ODC1: variants seen among roughly 807,000 people sequenced by gnomAD.
The protein encoded by ODC1 is ornithine decarboxylase.
A neutral mutation model predicts 41.5 loss-of-function variants in ODC1; 18 were observed. That is an observed-to-expected ratio of 0.43 (90% confidence interval 0.30 to 0.64). The LOEUF (loss-of-function observed/expected upper bound fraction) is 0.64. Among genes scored for constraint, ODC1 ranks in the 30% least tolerant of loss-of-function variants. The pLI, the probability that ODC1 is intolerant of heterozygous loss-of-function variation, is 0.11. For missense variants in ODC1, 504 were observed against 589.0 expected, an observed-to-expected ratio of 0.86 and a Z score of 1.49; for synonymous variants, 218 against 211.6, an observed-to-expected ratio of 1.03 and a Z score of -0.26.
At chr2:10,447,941 C>T (rs1672089125) in intron 1 of ODC1, among the ~76,000 whole-genome samples, 180 bp downstream of exon 1, 1 of 152,118 alleles carries the variant, frequency 6.6e-6, no homozygotes, top group Admixed American at 6.5e-5. Context: ...CCTTATCCAG[C>T]CGCGGGAGAA....
At chr2:10,441,748 A>C in intron 10 of ODC1, 25 bp from the exon 11 acceptor site, 2 of 1,612,628 alleles carry the variant, frequency 1.2e-6, no homozygotes, top group Middle Eastern at 3.3e-4. Context: ...GGAGAGAGGA[A>C]GTACTACTTA....
chr2:10,443,868 A>G lies in ODC1; in HGVS notation c.450-32T>C, dbSNP rs1336329227. 4 of 1,609,804 alleles carry G rather than the reference A, an allele frequency of 2.5e-6. No homozygotes were observed. The South Asian group carries it at 4.4e-5, about 18-fold the overall frequency. On this transcript the variant is annotated intron_variant, in intron 5 of 11. Transcript: ENST00000234111. Reference sequence around the variant, plus strand: ...GCAAGGAAAGTGCAGCAAATGTCTCATGATAGATGTTCACTTATAGCCACA... The same window carrying G: ...GCAAGGAAAGTGCAGCAAATGTCTCGTGATAGATGTTCACTTATAGCCACA...
chr2:10,444,278 A>G lies in ODC1; in HGVS notation c.277-11T>C, dbSNP rs1409210319. 2 of 1,566,468 alleles carry G rather than the reference A, an allele frequency of 1.3e-6. No individual in the cohort carries two copies. The highest frequency in any genetic ancestry group is 1.7e-6 in the Non-Finnish European group (2 of 1,159,804). ...CAACTGTATTTCAGTCTGAAAAAGA[A>G]GAGTGGTGTCATGCTATCCATATGT... is the stretch of plus-strand genomic sequence containing the variant. On this transcript the variant is annotated splice_polypyrimidine_tract_variant and intron_variant, in intron 4 of 11. Coordinates refer to ENST00000234111, the MANE Select transcript of ODC1 (RefSeq NM_002539.3).
At chr2:10,445,761 C>G (rs28362383) in intron 1 of ODC1, among the ~76,000 whole-genome samples, 5,569 of 151,758 alleles carry the variant, frequency 0.037, 376 homozygotes, top group African/African-American at 0.13. Flanking sequence ...TCAGCCTCCC[C>G]AGCAGCTGGG....
intron 5 of ODC1, 26 bp downstream of exon 5, chr2:10,444,069 T>G: frequency 6.4e-7 from 1 of 1,558,596 alleles, no homozygotes; most frequent in South Asian, 1.2e-5. Flanking sequence ...CTCCCGATCT[T>G]GCCCTCAGAT....
chr2:10,445,688 T>A (rs28362387), intron 1 of ODC1, among the ~76,000 whole-genome samples: 2 of 152,326 alleles, frequency 1.3e-5, no homozygotes, highest in African/African-American at 4.8e-5. Flanking sequence ...CAGGCTGGAG[T>A]GCAGCGGTGC....
At chr2:10,442,748 G>A (rs886554483) in intron 8 of ODC1, among the ~76,000 whole-genome samples, 2 of 151,542 alleles carry the variant, frequency 1.3e-5, no homozygotes, top group Non-Finnish European at 2.9e-5. Context: ...GTCTCACTCT[G>A]TAGCCCAGGC....
chr2:10,441,209 A>G (rs1248510390), intron 11 of ODC1, among the ~76,000 whole-genome samples: 1 of 152,016 alleles, frequency 6.6e-6, no homozygotes, highest in East Asian at 1.9e-4. Context: ...TGGCCTCCCA[A>G]TGTGTTGTGA....
Position 10,448,297 on chromosome 2 carries a change from G to GGCA in ODC1, c.-305_-304insTGC. On this transcript the variant is annotated 5_prime_UTR_variant, in exon 1 of 12. Coordinates refer to ENST00000234111, the MANE Select transcript of ODC1 (RefSeq NM_002539.3). ...AGCTGCTGGCAGAGGGGCGGCGGGC[G>GGCA]GCGGCGGCGGCGGCTACAGGAGGGA... 1 of 249,822 alleles carries GGCA rather than the reference G, an allele frequency of 4.0e-6. No homozygotes were observed. The highest frequency in any genetic ancestry group is 7.6e-6 in the Non-Finnish European group (1 of 131,544). The allele number at this position is 249,822 out of a possible 1,614,324, so 15.5% of individuals were successfully genotyped here.
In ODC1 at chr2:10,440,401, C is replaced by T. The variant is rs28362418; in HGVS notation, c.*323G>A. On this transcript the variant is annotated 3_prime_UTR_variant, in exon 12 of 12. Transcript: ENST00000234111. ...CCCAATGCCTAATTATTTCAAGATACTTTATTTTAAAAACAGGTCACAACA... is the reference window on the plus strand; with the variant it reads ...CCCAATGCCTAATTATTTCAAGATATTTTATTTTAAAAACAGGTCACAACA... The T allele has an allele frequency of 0.024, 4,779 of 202,236 alleles. 275 individuals carry two copies. The highest frequency in any genetic ancestry group is 0.11 in the African/African-American group (4,524 of 42,902). 12.5% of individuals were successfully genotyped at this position (202,236 alleles called of 1,614,324 possible).
chr2:10,442,893 T>A (rs1671877812), intron 8 of ODC1, among the ~76,000 whole-genome samples: 1 of 150,520 alleles, frequency 6.6e-6, no homozygotes, highest in Non-Finnish European at 1.5e-5. Context: ...AAATTTTTTT[T>A]GTAGAGATGG....
intron 1 of ODC1, chr2:10,447,329 A>G (rs1261156593): frequency 6.6e-6 from 1 of 152,274 alleles, no homozygotes; most frequent in East Asian, 1.9e-4. Flanking sequence ...TCACAAATCA[A>G]TTAAAGTCTG....
chr2:10,446,105 G>A lies in ODC1; in HGVS notation c.-127-841C>T, dbSNP rs1672003013. The stretch of plus-strand genomic sequence containing the variant: ...AGTCAACTTATCACATTGTATTACA[G>A]TTGCTGTTACCTGATCAGAATTCAG... On this transcript the variant is annotated intron_variant, in intron 1 of 11. Transcript: ENST00000234111. Among the ~76,000 whole-genome samples the A allele has an allele frequency of 2.0e-5, 3 of 150,664 alleles. No homozygotes were observed. The South Asian group carries it at 6.3e-4, about 32-fold the overall frequency.
intron 6 of ODC1, 61 bp from the exon 7 acceptor site, chr2:10,443,632 A>G: frequency 1.2e-6 from 2 of 1,607,092 alleles, no homozygotes; most frequent in Admixed American, 1.7e-5. Context: ...AATAGCAAAC[A>G]CTAGGAGAAA....
Position 10,441,798 on chromosome 2 carries a change from C to G in ODC1, c.1026+19G>C, listed in dbSNP as rs369100609. The G allele has an allele frequency of 6.8e-6, 11 of 1,612,842 alleles. No homozygotes were observed. The East Asian group carries it at 2.5e-4, about 36-fold the overall frequency. ...GACCAGTCCTCTTAATTGTTTTATA[C>G]AGTATGCTCAGAAATTACCTTTTGC... On this transcript the variant is annotated intron_variant, in intron 10 of 11. Transcript: ENST00000234111.
At chr2:10,446,342 GT>G (rs1275225715) in intron 1 of ODC1, among the ~76,000 whole-genome samples, 2 of 152,116 alleles carry the variant, frequency 1.3e-5, no homozygotes, top group Non-Finnish European at 2.9e-5. Flanking sequence ...GTTTCTCCAT[GT>G]TAGTCAGGCT....
chr2:10,446,638 C>T, intron 1 of ODC1: 2 of 281,596 alleles, frequency 7.1e-6, no homozygotes, highest in South Asian at 5.8e-5. Context: ...AAATGTGGCA[C>T]CTTGTGAACC....
chr2:10,448,278 T>TG lies in ODC1; in HGVS notation c.-286dup, dbSNP rs1258364306. 2 of 238,906 alleles carry TG rather than the reference T, an allele frequency of 8.4e-6. No individual in the cohort carries two copies. The highest frequency in any genetic ancestry group is 1.6e-5 in the Non-Finnish European group (2 of 124,614). 14.8% of individuals were successfully genotyped at this position (238,906 alleles called of 1,614,324 possible). ...CGGCCCGAGGTGGCGCCGGAGCTGC[T>TG]GGCAGAGGGGCGGCGGGCGGCGGCG... is the stretch of plus-strand genomic sequence containing the variant. On this transcript the variant is annotated 5_prime_UTR_variant, in exon 1 of 12. Transcript: ENST00000234111.
intron 8 of ODC1, among the ~76,000 whole-genome samples, chr2:10,442,840 A>G (rs914290069): frequency 2.0e-5 from 3 of 151,698 alleles, no homozygotes; most frequent in African/African-American, 7.3e-5. Flanking sequence ...CCTTCCAAGT[A>G]GCTGGGATTA....
Sources: gnomAD v4.1 joint callset for allele counts (sites outside exome capture counted in the v4.1 genomes callset) on GRCh38, gnomAD v4.1.1 for gene constraint, MANE v1.5 for transcripts, NCBI Gene and HGNC (gene_info 2026-07-23, HGNC 2026-07-21) for gene names.